DPP10: variants seen among roughly 807,000 people sequenced by gnomAD.
The protein encoded by DPP10 is inactive dipeptidyl peptidase 10.
Under a neutral mutation model 120.9 loss-of-function variants are expected in DPP10, and 33 were observed. The ratio of observed to expected loss-of-function variants is 0.27; its 90% CI spans 0.21 to 0.37. The LOEUF is 0.37. Among genes scored for constraint, DPP10 ranks in the 10% least tolerant of loss-of-function variants. The pLI is 1.00. For synonymous variants in DPP10, 337 were observed against 326.1 expected (o/e 1.03, Z -0.36); for missense variants, 816 against 942.8 (o/e 0.87, Z 1.76).
chr2:114,927,269 G>C (rs7585007), intron 1 of DPP10, among the ~76,000 whole-genome samples: 2,312 of 152,014 alleles, frequency 0.015, 62 homozygotes, highest in African/African-American at 0.053. Context: ...TCAAGACTAG[G>C]TATTGTGAAC....
At chr2:115,304,981 G>T (rs771321582) in intron 1 of DPP10, among the ~76,000 whole-genome samples, 3 of 152,074 alleles carry the variant, frequency 2.0e-5, no homozygotes, top group Non-Finnish European at 4.4e-5. Flanking sequence ...TACAGACTCA[G>T]TTTAGTTTGG....
intron 1 of DPP10, among the ~76,000 whole-genome samples, chr2:115,154,347 G>A (rs1252263507): frequency 6.6e-6 from 1 of 152,168 alleles, no homozygotes; most frequent in Non-Finnish European, 1.5e-5. Context: ...CTGCTCCTAA[G>A]CAGTAGAAAA....
chr2:114,599,940 G>T (rs1184281745), intron 1 of DPP10, among the ~76,000 whole-genome samples: 4 of 151,108 alleles, frequency 2.6e-5, no homozygotes, highest in African/African-American at 9.7e-5. Context: ...CCATTGAATT[G>T]CTTCAAATAT....
intron 1 of DPP10, among the ~76,000 whole-genome samples, chr2:115,123,437 G>T (rs937313487): frequency 6.6e-6 from 1 of 152,154 alleles, no homozygotes; most frequent in Admixed American, 6.5e-5. Context: ...GGTCACATTT[G>T]CAGTGCAGTT....
At chr2:114,958,199 T>A (rs1434734258) in intron 1 of DPP10, among the ~76,000 whole-genome samples, 1 of 152,200 alleles carries the variant, frequency 6.6e-6, no homozygotes, top group Non-Finnish European at 1.5e-5. Context: ...CAGATTAGTG[T>A]TTGCCTTATT....
chr2:115,101,278 C>T (rs2048681598), intron 1 of DPP10, among the ~76,000 whole-genome samples: 1 of 152,162 alleles, frequency 6.6e-6, no homozygotes, highest in South Asian at 2.1e-4. Context: ...CTGGATGAGA[C>T]TCTCAGAAAT....
At chr2:114,878,635 C>T (rs1032474643) in intron 1 of DPP10, among the ~76,000 whole-genome samples, 1 of 152,092 alleles carries the variant, frequency 6.6e-6, no homozygotes, top group Non-Finnish European at 1.5e-5. Flanking sequence ...TCTCCAGCTG[C>T]ATGAGATCCA....
At chr2:115,576,269 G>A (rs1377576609) in intron 5 of DPP10, among the ~76,000 whole-genome samples, 1 of 152,128 alleles carries the variant, frequency 6.6e-6, no homozygotes, top group Non-Finnish European at 1.5e-5. Context: ...AAAAATAAAT[G>A]GAAATTTCAA....
intron 5 of DPP10, among the ~76,000 whole-genome samples, chr2:115,551,024 CTT>C (rs1286883250): frequency 2.6e-5 from 4 of 151,398 alleles, no homozygotes; most frequent in African/African-American, 9.7e-5. Flanking sequence ...TTTTTTTTCT[CTT>C]GAAAAATTGG....
At chr2:114,630,587 A>G (rs1694847362) in intron 1 of DPP10, among the ~76,000 whole-genome samples, 1 of 152,150 alleles carries the variant, frequency 6.6e-6, no homozygotes, top group Admixed American at 6.6e-5. Context: ...AAACCCCAAG[A>G]GAATAGCTGC....
At chr2:115,349,701 G>T (rs1169277700) in intron 3 of DPP10, among the ~76,000 whole-genome samples, 2 of 152,086 alleles carry the variant, frequency 1.3e-5, no homozygotes, top group African/African-American at 4.8e-5. Flanking sequence ...AATATTTACA[G>T]TAATTAGGGG....
intron 1 of DPP10, among the ~76,000 whole-genome samples, chr2:114,824,954 G>A (rs907042200): frequency 2.0e-5 from 3 of 152,188 alleles, no homozygotes; most frequent in East Asian, 1.9e-4. Context: ...GCATCCTCTA[G>A]CAAACAGGAG....
At chr2:114,943,819 T>A (rs964543289) in intron 1 of DPP10, among the ~76,000 whole-genome samples, 6 of 152,366 alleles carry the variant, frequency 3.9e-5, no homozygotes, top group South Asian at 2.1e-4. Flanking sequence ...ATCATTAAGA[T>A]GTTAACATAT....
rs965961539 is a variant in DPP10, at chr2:115,682,076, C to T, written c.442-7611C>T. Among the ~76,000 whole-genome samples, 53 of 151,922 alleles carry T rather than the reference C, an allele frequency of 3.5e-4. 1 individual carries two copies. Among genetic ancestry groups the T allele is most frequent in the Admixed American group, 2.8e-3 (42 of 15,256 alleles). On this transcript the variant is annotated intron_variant, in intron 5 of 25. Coordinates refer to ENST00000410059, the MANE Select transcript of DPP10 (RefSeq NM_020868.6). The stretch of plus-strand genomic sequence containing the variant: ...CTAGGTTGGGAGTTTGGCTCTCTGT[C>T]CTATTGCAATATATTTATTTCTGCA...
At chr2:114,598,128 T>C (rs1692076667) in intron 1 of DPP10, among the ~76,000 whole-genome samples, 1 of 151,804 alleles carries the variant, frequency 6.6e-6, no homozygotes, top group African/African-American at 2.4e-5. Context: ...ATGAAAAGGG[T>C]GGCAGGAAAG....
Position 115,647,720 on chromosome 2 carries a change from C to CT in DPP10, c.442-41960dup, listed in dbSNP as rs530573285. On this transcript the variant is annotated intron_variant, in intron 5 of 25. Coordinates refer to ENST00000410059, the MANE Select transcript of DPP10 (RefSeq NM_020868.6). ...GCACTGTCATGTGATCTGATGAGGG[C>CT]TTTTTTTGCTGAGTCCTCACATGGT... 3.9e-3 allele frequency among the ~76,000 whole-genome samples: 589 copies of CT among 152,048 alleles called. 4 individuals are homozygous for CT. Among genetic ancestry groups the CT allele is most frequent in the African/African-American group, 0.012 (511 of 41,460 alleles).
chr2:114,941,741 A>G (rs1377223030), intron 1 of DPP10, among the ~76,000 whole-genome samples: 1 of 152,174 alleles, frequency 6.6e-6, no homozygotes, highest in Non-Finnish European at 1.5e-5. Flanking sequence ...ATACCAGGTA[A>G]TAGACTCAGT....
intron 1 of DPP10, among the ~76,000 whole-genome samples, chr2:115,013,995 T>G (rs1702451182): frequency 6.6e-6 from 1 of 152,130 alleles, no homozygotes; most frequent in African/African-American, 2.4e-5. Flanking sequence ...CAAGCAGACC[T>G]AGTAGACATC....
rs140324602 is a variant in DPP10, at chr2:115,133,945, G to A, written c.61-175294G>A. Among the ~76,000 whole-genome samples, 45 of 152,222 alleles carry A rather than the reference G, an allele frequency of 3.0e-4. No homozygotes were observed. The East Asian group carries it at 6.8e-3, about 23-fold the overall frequency. On this transcript the variant is annotated intron_variant, in intron 1 of 25. Coordinates refer to ENST00000410059, the MANE Select transcript of DPP10 (RefSeq NM_020868.6). ...TGTGCTATTAAGGAACACTCATCAC[G>A]CTACAGGAATTGCTTTGTCCCCACG...
Sources: allele counts gnomAD v4.1 joint callset (sites outside exome capture counted in the v4.1 genomes callset), GRCh38; gene constraint gnomAD v4.1.1; transcripts MANE v1.5; gene names NCBI Gene and HGNC (gene_info 2026-07-23, HGNC 2026-07-21).